Variants in TMEM50B observed in about 807,000 individuals in gnomAD.
The protein encoded by TMEM50B is transmembrane protein 50B.
In TMEM50B, 14 loss-of-function variants were observed where a neutral mutation model predicts 23.4. The observed-to-expected ratio is 0.60, with a 90% CI of 0.39 to 0.93. TMEM50B has a LOEUF of 0.93. TMEM50B is among the 40% of genes least tolerant of loss of function. The pLI is 0.00. For missense variants in TMEM50B, 159 were observed against 193.0 expected (o/e 0.82, Z 1.04); for synonymous variants, 64 against 62.3 (o/e 1.03, Z -0.13).
At chr21:33,433,936 G>A (rs547494324) in intron 8 of TMEM50B, among the ~76,000 whole-genome samples, 107 of 152,164 alleles carry the variant, frequency 7.0e-4, no homozygotes, top group African/African-American at 2.4e-3. Context: ...ACGTGAAGGC[G>A]GTGGAGACAG....
At position 33,463,677 on chromosome 21, in the gene TMEM50B, T is replaced by C. The variant is rs190237885; in HGVS notation, c.280+1665A>G. ...CAATCCCAGCACTTTGGGAGGCTGATAGCTTGAGGCCAGGTGGATAGCTTG... is the reference window on the plus strand; with the variant it reads ...CAATCCCAGCACTTTGGGAGGCTGACAGCTTGAGGCCAGGTGGATAGCTTG... On this transcript the variant is annotated intron_variant, in intron 4 of 6. Coordinates refer to ENST00000542230, the MANE Select transcript of TMEM50B (RefSeq NM_006134.7). Among the ~76,000 whole-genome samples the C allele has an allele frequency of 6.9e-3, 1,047 of 152,218 alleles. 7 individuals carry two copies. Among genetic ancestry groups the C allele is most frequent in the Non-Finnish European group, 0.01 (707 of 67,990 alleles).
At chr21:33,456,033 G>C in intron 5 of TMEM50B, 2 of 674,146 alleles carry the variant, frequency 3.0e-6, no homozygotes, top group Non-Finnish European at 2.8e-6. Context: ...AGTAATTGCT[G>C]GTTCTAGCTA....
chr21:33,460,611 A>G, intron 4 of TMEM50B, 106 bp from the exon 5 acceptor site: 1 of 493,282 alleles, frequency 2.0e-6, no homozygotes, highest in Non-Finnish European at 3.6e-6. Context: ...TATTATGCAT[A>G]TCAAAGATAG....
chr21:33,441,117 CT>C (rs1325415692), intron 7 of TMEM50B, among the ~76,000 whole-genome samples: 3 of 151,678 alleles, frequency 2.0e-5, no homozygotes, highest in Non-Finnish European at 2.9e-5. Context: ...GTAATCACAG[CT>C]ATTCAGGAGG....
intron 4 of TMEM50B, among the ~76,000 whole-genome samples, chr21:33,461,492 G>T (rs750720033): frequency 1.3e-5 from 2 of 152,122 alleles, no homozygotes; most frequent in Non-Finnish European, 2.9e-5. Flanking sequence ...TATCTAACGT[G>T]AATAAAAGGA....
chr21:33,468,877 G>T lies in TMEM50B; in HGVS notation c.9C>A (p.Gly3=). 1.2e-6 allele frequency: 2 copies of T among 1,613,092 alleles called. No individual in the cohort carries two copies. Among genetic ancestry groups the T allele is most frequent in the Non-Finnish European group, 1.7e-6 (2 of 1,179,572 alleles). The change falls in exon 2 of 7, where the codon GGC becomes GGA. Residue 3 remains glycine, a synonymous_variant. Transcript: ENST00000542230. MA[G]FLDNFRWPEC... ...CTGGCCAACGAAAATTATCTAGGAA[G>T]CCTGCCATTTTTACTTCTTAAGCAT...
chr21:33,436,747 TA>T, intron 8 of TMEM50B: 1 of 1,136,748 alleles, frequency 8.8e-7, no homozygotes, highest in Non-Finnish European at 1.3e-6. Flanking sequence ...AAAAATAAAA[TA>T]AAAACAAAAA....
At chr21:33,479,008 G>A (rs1195956195) in intron 1 of TMEM50B, 1 of 316,860 alleles carries the variant, frequency 3.2e-6, no homozygotes, top group Non-Finnish European at 6.1e-6. Flanking sequence ...CGAGGCCTCC[G>A]CCCCCTGCCC....
chr21:33,476,283 T>C (rs1200287966), intron 1 of TMEM50B, among the ~76,000 whole-genome samples: 1 of 151,996 alleles, frequency 6.6e-6, no homozygotes, highest in Non-Finnish European at 1.5e-5. Context: ...CTCAGGAGGC[T>C]GAGGCAGGAG....
intron 7 of TMEM50B, among the ~76,000 whole-genome samples, chr21:33,439,656 AG>A (rs1206885317): frequency 6.6e-6 from 1 of 151,976 alleles, no homozygotes; most frequent in Non-Finnish European, 1.5e-5. Context: ...CTGGGATTAC[AG>A]GTGTGAGCCA....
chr21:33,473,654 CAA>C (rs145070351), intron 1 of TMEM50B, among the ~76,000 whole-genome samples: 10 of 118,926 alleles, frequency 8.4e-5, no homozygotes, highest in African/African-American at 6.9e-5. Flanking sequence ...GACCTTGTCT[CAA>C]AAAAAAAAAA....
chr21:33,468,721 A>G, intron 2 of TMEM50B, 66 bp downstream of exon 2: 1 of 1,268,652 alleles, frequency 7.9e-7, no homozygotes, highest in Middle Eastern at 1.9e-4. Context: ...AGTTCAAAGG[A>G]ACCGGCATTA....
chr21:33,464,353 ACG>A (rs2084244639), intron 4 of TMEM50B, among the ~76,000 whole-genome samples: 1 of 151,614 alleles, frequency 6.6e-6, no homozygotes, highest in Non-Finnish European at 1.5e-5. Flanking sequence ...GTGTGTCACC[ACG>A]CCTGGCTAAT....
intron 7 of TMEM50B, among the ~76,000 whole-genome samples, chr21:33,444,103 G>A (rs891784158): frequency 6.6e-5 from 10 of 152,158 alleles, no homozygotes; most frequent in African/African-American, 1.9e-4. Context: ...ATTTCACCAT[G>A]TTGGCCAAGC....
intron 8 of TMEM50B, among the ~76,000 whole-genome samples, chr21:33,436,245 C>T (rs2083949430): frequency 6.6e-6 from 1 of 151,556 alleles, no homozygotes; most frequent in South Asian, 2.1e-4. Context: ...ATCCCAGCTA[C>T]TTGGGAGGCT....
chr21:33,468,480 C>T (rs2084284633), intron 2 of TMEM50B: 2 of 240,822 alleles, frequency 8.3e-6, no homozygotes, highest in Admixed American at 1.0e-4. Context: ...AAATTCTGAG[C>T]CTTTAAGGAT....
At chr21:33,464,531 C>G (rs561247904) in intron 4 of TMEM50B, among the ~76,000 whole-genome samples, 8 of 144,868 alleles carry the variant, frequency 5.5e-5, no homozygotes, top group Admixed American at 2.0e-4. Flanking sequence ...TTGGGCCGGG[C>G]TCGGTGGCTC....
intron 8 of TMEM50B, among the ~76,000 whole-genome samples, chr21:33,434,984 C>CA (rs1369234036): frequency 6.6e-6 from 1 of 152,194 alleles, no homozygotes; most frequent in East Asian, 1.9e-4. Context: ...CTCTGAGTTA[C>CA]ATGGGAACAG....
At chr21:33,439,931 A>AGCTACTTG (rs1443771391) in intron 7 of TMEM50B, among the ~76,000 whole-genome samples, 19 of 152,052 alleles carry the variant, frequency 1.2e-4, no homozygotes, top group Admixed American at 9.8e-4. Context: ...CTGTAATCCC[A>AGCTACTTG]GCTACTTGGG....
Sources: gnomAD v4.1 joint callset for allele counts (sites outside exome capture counted in the v4.1 genomes callset) on GRCh38, gnomAD v4.1.1 for gene constraint, MANE v1.5 for transcripts, NCBI Gene and HGNC (gene_info 2026-07-23, HGNC 2026-07-21) for gene names.